Variants in DGKI observed in about 807,000 individuals in gnomAD.
The protein encoded by DGKI is DAG kinase iota.
In DGKI, 55 loss-of-function variants were observed where a neutral mutation model predicts 147.5. That is an observed-to-expected ratio of 0.37 (90% CI 0.30 to 0.47). DGKI has a LOEUF of 0.47. DGKI is among the 20% of genes least tolerant of loss of function. DGKI has a pLI of 1.00. For missense variants in DGKI, 1,007 were observed against 1,323.8 expected (o/e 0.76, Z 3.71); for synonymous variants, 469 against 477.1 (o/e 0.98, Z 0.22).
intron 1 of DGKI, among the ~76,000 whole-genome samples, chr7:137,723,804 G>A (rs1037355979): frequency 2.7e-5 from 4 of 148,090 alleles, no homozygotes; most frequent in African/African-American, 1.0e-4. Flanking sequence ...CCGCCTCCTG[G>A]GCTCAAGTGA....
chr7:137,697,877 G>T (rs993381329), intron 1 of DGKI, among the ~76,000 whole-genome samples: 5 of 151,562 alleles, frequency 3.3e-5, no homozygotes, highest in Non-Finnish European at 7.4e-5. Context: ...CACTACTCAT[G>T]GTTCAAACTA....
chr7:137,821,599 T>C (rs1240195870), intron 1 of DGKI, among the ~76,000 whole-genome samples: 1 of 149,354 alleles, frequency 6.7e-6, no homozygotes, highest in African/African-American at 2.5e-5. Flanking sequence ...CCCAGCTCTC[T>C]CCAGAAACTC....
chr7:137,540,761 CCAAAAAAAAA>C (rs1817666775), intron 20 of DGKI, among the ~76,000 whole-genome samples: 4 of 35,520 alleles, frequency 1.1e-4, no homozygotes, highest in African/African-American at 2.2e-4. Flanking sequence ...AAAAACCCCC[CCAAAAAAAAA>C]AAAAAAAAAA....
At chr7:137,455,582 G>T (rs1055473891) in intron 27 of DGKI, among the ~76,000 whole-genome samples, 3 of 133,350 alleles carry the variant, frequency 2.2e-5, no homozygotes, top group Non-Finnish European at 4.6e-5. Flanking sequence ...ACTGTTGGAG[G>T]ATTGTTGTTC....
At chr7:137,737,983 C>T (rs1468747819) in intron 1 of DGKI, among the ~76,000 whole-genome samples, 1 of 152,132 alleles carries the variant, frequency 6.6e-6, no homozygotes, top group Non-Finnish European at 1.5e-5. Context: ...AGGGATAAGA[C>T]AGAAACAGTC....
At position 137,513,417 on chromosome 7, in the gene DGKI, T is replaced by C. The variant is rs569735934; in HGVS notation, c.2248+8449A>G. Among the ~76,000 whole-genome samples, 7 of 152,286 alleles carry C rather than the reference T, an allele frequency of 4.6e-5. No individual in the cohort carries two copies. The East Asian group carries it at 1.4e-3, about 29-fold the overall frequency. On this transcript the variant is annotated intron_variant, in intron 21 of 32. Coordinates refer to ENST00000614521, the MANE Select transcript of DGKI (RefSeq NM_001321708.2). The stretch of plus-strand genomic sequence containing the variant: ...ACCAGCATACACACTTGCTGTATTA[T>C]CTTACAAATTAAAAAAAAGAATCCT...
At chr7:137,838,766 C>T (rs951913462) in intron 1 of DGKI, among the ~76,000 whole-genome samples, 1 of 152,202 alleles carries the variant, frequency 6.6e-6, no homozygotes, top group African/African-American at 2.4e-5. Flanking sequence ...TAATAACCAT[C>T]TACATCTTTT....
chr7:137,449,121 C>A (rs1343200436), intron 27 of DGKI, among the ~76,000 whole-genome samples: 1 of 152,126 alleles, frequency 6.6e-6, no homozygotes, highest in Non-Finnish European at 1.5e-5. Context: ...ACATTCTTCA[C>A]AGATTAGTAG....
chr7:137,412,408 C>T (rs1239912752), intron 28 of DGKI, among the ~76,000 whole-genome samples: 1 of 152,154 alleles, frequency 6.6e-6, no homozygotes, highest in Admixed American at 6.5e-5. Flanking sequence ...CCTTCTAGGG[C>T]CCATGCGTGC....
At chr7:137,679,072 G>A (rs1242764472) in intron 2 of DGKI, among the ~76,000 whole-genome samples, 1 of 152,162 alleles carries the variant, frequency 6.6e-6, no homozygotes, top group Non-Finnish European at 1.5e-5. Flanking sequence ...CTAAAAAGGA[G>A]GATGGTAGCA....
chr7:137,632,727 C>T lies in DGKI; in HGVS notation c.805-9173G>A, dbSNP rs975417082. On this transcript the variant is annotated intron_variant, in intron 6 of 32. Transcript: ENST00000614521. ...CAAAAAAATTAGCTGGGCGTGGTGG[C>T]ACACGCCTGTAGTCCCAGCTACTCA... is the stretch of plus-strand genomic sequence containing the variant. 5.3e-5 allele frequency among the ~76,000 whole-genome samples: 8 copies of T among 152,148 alleles called. No homozygotes were observed. In the East Asian group the frequency reaches 9.7e-4, roughly 18 times the overall value.
intron 21 of DGKI, among the ~76,000 whole-genome samples, chr7:137,500,229 A>C (rs1816122931): frequency 6.6e-6 from 1 of 152,006 alleles, no homozygotes; most frequent in Non-Finnish European, 1.5e-5. Flanking sequence ...CTTCAACCTG[A>C]CCTCCATTAA....
At chr7:137,547,563 T>C (rs903621175) in intron 20 of DGKI, among the ~76,000 whole-genome samples, 1 of 152,226 alleles carries the variant, frequency 6.6e-6, no homozygotes, top group Admixed American at 6.5e-5. Context: ...TTTAGATTTA[T>C]GTTATCTTAG....
chr7:137,769,157 C>T (rs57750904), intron 1 of DGKI, among the ~76,000 whole-genome samples: 8,515 of 152,206 alleles, frequency 0.056, 575 homozygotes, highest in African/African-American at 0.17. Flanking sequence ...GCTGCTTCTG[C>T]GACACCCAAG....
At chr7:137,730,772 C>T (rs1794855866) in intron 1 of DGKI, among the ~76,000 whole-genome samples, 1 of 152,052 alleles carries the variant, frequency 6.6e-6, no homozygotes, top group Non-Finnish European at 1.5e-5. Context: ...TAAAATCACT[C>T]CCCACGTTAA....
intron 23 of DGKI, among the ~76,000 whole-genome samples, chr7:137,474,559 T>C (rs1309712002): frequency 6.6e-6 from 1 of 152,116 alleles, no homozygotes; most frequent in Non-Finnish European, 1.5e-5. Flanking sequence ...ATGCTGGATT[T>C]CACTTGAGTT....
At chr7:137,492,717 C>T (rs910735793) in intron 21 of DGKI, among the ~76,000 whole-genome samples, 2 of 152,132 alleles carry the variant, frequency 1.3e-5, no homozygotes, top group African/African-American at 4.8e-5. Flanking sequence ...ATCCCCAAGG[C>T]GTCCCATGCT....
At chr7:137,406,349 G>A (rs1180541106) in intron 30 of DGKI, among the ~76,000 whole-genome samples, 1 of 152,080 alleles carries the variant, frequency 6.6e-6, no homozygotes, top group Admixed American at 6.6e-5. Flanking sequence ...AATAGGAGAT[G>A]GAATGATACA....
chr7:137,770,454 C>T (rs935825348), intron 1 of DGKI, among the ~76,000 whole-genome samples: 20 of 151,784 alleles, frequency 1.3e-4, no homozygotes, highest in African/African-American at 4.1e-4. Context: ...ACGCATTCTA[C>T]ACACATATCC....
Sources: gnomAD v4.1 joint callset for allele counts (sites outside exome capture counted in the v4.1 genomes callset) on GRCh38, gnomAD v4.1.1 for gene constraint, MANE v1.5 for transcripts, NCBI Gene and HGNC (gene_info 2026-07-23, HGNC 2026-07-21) for gene names.